Variants in ARPP21 observed in about 807,000 individuals in gnomAD.
ARPP21 encodes cAMP-regulated phosphoprotein 21.
A neutral mutation model predicts 113.2 loss-of-function variants in ARPP21; 69 were observed. The ratio of observed to expected loss-of-function variants is 0.61; its 90% CI spans 0.50 to 0.74. The LOEUF (loss-of-function observed/expected upper bound fraction) is 0.74. Among genes scored for constraint, ARPP21 ranks in the 30% least tolerant of loss-of-function variants. The probability of loss-of-function intolerance (pLI) is 0.00; values close to 1 mark genes in which losing one functional copy is unlikely to be tolerated. For synonymous variants in ARPP21, 368 were observed against 375.5 expected, an observed-to-expected ratio of 0.98 and a Z score of 0.23; for missense variants, 1,070 against 1,037.4, an observed-to-expected ratio of 1.03 and a Z score of -0.43.
At position 35,793,677 on chromosome 3, in the gene ARPP21, G is replaced by A; in HGVS notation, c.2287-24G>A. On this transcript the variant is annotated intron_variant, in intron 20 of 20. Coordinates refer to ENST00000684406, the MANE Select transcript of ARPP21 (RefSeq NM_001385562.1). ...GACCAAAATAGTCTCTTCATACAGG[G>A]TTCTTGCTTGTGTCTTTTTACAGGT... 4 of 1,595,152 alleles carry A rather than the reference G, an allele frequency of 2.5e-6. 1 individual carries two copies. The highest frequency in any genetic ancestry group is 2.2e-5 in the South Asian group (2 of 90,656).
intron 19 of ARPP21, chr3:35,744,602 C>G: frequency 2.1e-6 from 1 of 485,826 alleles, no homozygotes; most frequent in South Asian, 1.6e-5. Context: ...CAGCACGAAC[C>G]CGACAGGGCT....
At chr3:35,769,934 G>C (rs1436314671) in intron 19 of ARPP21, among the ~76,000 whole-genome samples, 1 of 152,168 alleles carries the variant, frequency 6.6e-6, no homozygotes, top group Non-Finnish European at 1.5e-5. Context: ...AAAATAAGAA[G>C]TGTACAACTC....
intron 9 of ARPP21, among the ~76,000 whole-genome samples, chr3:35,700,191 C>T (rs958971397): frequency 6.6e-6 from 1 of 151,712 alleles, no homozygotes; most frequent in Non-Finnish European, 1.5e-5. Context: ...TTACAAGAAA[C>T]CAAACAACAG....
At chr3:35,669,510 T>C (rs1469260440) in intron 1 of ARPP21, among the ~76,000 whole-genome samples, 1 of 152,190 alleles carries the variant, frequency 6.6e-6, no homozygotes, top group African/African-American at 2.4e-5. Context: ...GGATGTACAC[T>C]CTTTTAAACG....
At chr3:35,737,007 G>A (rs749520475) in intron 15 of ARPP21, among the ~76,000 whole-genome samples, 171 bp from the exon 16 acceptor site, 10 of 152,182 alleles carry the variant, frequency 6.6e-5, no homozygotes, top group African/African-American at 1.7e-4. Context: ...TAGCTTAAGC[G>A]ATGGGTCACA....
intron 19 of ARPP21, among the ~76,000 whole-genome samples, chr3:35,783,529 C>G (rs1475737094): frequency 6.6e-6 from 1 of 152,052 alleles, no homozygotes; most frequent in Non-Finnish European, 1.5e-5. Context: ...TTCTCTGTTG[C>G]TGCCACCCTT....
Position 35,687,684 on chromosome 3 carries a change from G to A in ARPP21, c.262-55G>A, listed in dbSNP as rs1027745698. 31 of 1,509,060 alleles carry A rather than the reference G, an allele frequency of 2.1e-5. No homozygotes were observed. The African/African-American group carries it at 4.1e-4, about 20-fold the overall frequency. The allele number at this position is 1,509,060 out of a possible 1,614,324, so 93.5% of individuals were successfully genotyped here. ...TTTATAACCTCTATGCAAAATGGGA[G>A]CCAGACAGAGATGATTAAACCTGGC... On this transcript the variant is annotated intron_variant, in intron 5 of 20. Transcript: ENST00000684406.
chr3:35,687,675 A>G, intron 5 of ARPP21, 64 bp from the exon 6 acceptor site: 1 of 1,481,840 alleles, frequency 6.7e-7, no homozygotes, highest in Non-Finnish European at 9.2e-7. Context: ...ACCTCTATGC[A>G]AAATGGGAGC....
At chr3:35,705,885 G>C (rs774916340) in intron 9 of ARPP21, among the ~76,000 whole-genome samples, 1 of 152,108 alleles carries the variant, frequency 6.6e-6, no homozygotes, top group Non-Finnish European at 1.5e-5. Context: ...AGAAAAAAAT[G>C]CTTCTCATCA....
chr3:35,748,238 GAAAA>G (rs1293018859), intron 19 of ARPP21, among the ~76,000 whole-genome samples: 1 of 114,326 alleles, frequency 8.7e-6, no homozygotes, highest in African/African-American at 3.4e-5. Context: ...AGGAAGGAAG[GAAAA>G]GAAAGAAAGA....
At chr3:35,762,297 G>A (rs2095812634) in intron 19 of ARPP21, among the ~76,000 whole-genome samples, 1 of 151,918 alleles carries the variant, frequency 6.6e-6, no homozygotes, top group South Asian at 2.1e-4. Flanking sequence ...TAAACAAGAT[G>A]GACTATATCT....
chr3:35,715,079 C>A, intron 11 of ARPP21: 1 of 205,426 alleles, frequency 4.9e-6, no homozygotes, highest in Non-Finnish European at 1.0e-5. Flanking sequence ...TTTCCCTTGG[C>A]TTCTGTTGTT....
At chr3:35,793,672 A>T in intron 20 of ARPP21, 29 bp from the exon 21 acceptor site, 1 of 1,583,192 alleles carries the variant, frequency 6.3e-7, no homozygotes, top group Non-Finnish European at 8.7e-7. Context: ...GTCTCTTCAT[A>T]CAGGGTTCTT....
intron 6 of ARPP21, among the ~76,000 whole-genome samples, chr3:35,689,086 C>A (rs2081481792): frequency 6.6e-6 from 1 of 151,520 alleles, no homozygotes; most frequent in African/African-American, 2.4e-5. Flanking sequence ...ACATTTGGAT[C>A]TTTCCATATT....
At chr3:35,720,145 G>C (rs1008016637) in intron 13 of ARPP21, among the ~76,000 whole-genome samples, 8 of 151,604 alleles carry the variant, frequency 5.3e-5, no homozygotes, top group African/African-American at 1.9e-4. Context: ...TGAGAACAGA[G>C]AGAATGTAAA....
At chr3:35,687,955 T>G (rs947630915) in intron 6 of ARPP21, 72 bp downstream of exon 6, 7 of 1,403,586 alleles carry the variant, frequency 5.0e-6, no homozygotes, top group Middle Eastern at 2.6e-4. Flanking sequence ...ATTCTAGATT[T>G]CACATGCATA....
Position 35,701,608 on chromosome 3 carries a change from A to T in ARPP21, c.687-5366A>T, listed in dbSNP as rs560526007. Among the ~76,000 whole-genome samples, 13 of 151,746 alleles carry T rather than the reference A, an allele frequency of 8.6e-5. No individual in the cohort carries two copies. The South Asian group carries it at 2.7e-3, about 31-fold the overall frequency. ...CTTATCCTTGCAATCTTTCTCTATA[A>T]CATCATTATTTAGTATTCTCCTATA... is the stretch of plus-strand genomic sequence containing the variant. On this transcript the variant is annotated intron_variant, in intron 9 of 20. Coordinates refer to ENST00000684406, the MANE Select transcript of ARPP21 (RefSeq NM_001385562.1).
chr3:35,748,423 GAGAAAGAAAGAGAA>G (rs1559840566), intron 19 of ARPP21, among the ~76,000 whole-genome samples: 1 of 137,210 alleles, frequency 7.3e-6, no homozygotes. Flanking sequence ...AGAAAGAAAA[GAGAAAGAAAGAGAA>G]AGAAAGAAAG....
intron 9 of ARPP21, among the ~76,000 whole-genome samples, chr3:35,701,173 T>C (rs1184795342): frequency 2.0e-5 from 3 of 151,640 alleles, no homozygotes; most frequent in Non-Finnish European, 4.4e-5. Flanking sequence ...CCAAACAATC[T>C]GTAAAATGAT....
Sources: gnomAD v4.1 joint callset for allele counts (sites outside exome capture counted in the v4.1 genomes callset) on GRCh38, gnomAD v4.1.1 for gene constraint, MANE v1.5 for transcripts, NCBI Gene and HGNC (gene_info 2026-07-23, HGNC 2026-07-21) for gene names.